FAM53A: variants seen among roughly 807,000 people sequenced by gnomAD.
The protein encoded by FAM53A is family with sequence similarity 53 member A, also known as protein FAM53A.
In FAM53A, 28 loss-of-function variants were observed where a neutral mutation model predicts 26.6. The ratio of observed to expected loss-of-function variants is 1.05; its 90% CI spans 0.78 to 1.45. FAM53A has a LOEUF of 1.45. Ranked by LOEUF, FAM53A falls within the 40% of genes most tolerant of loss-of-function variation. The pLI, the probability that FAM53A is intolerant of heterozygous loss-of-function variation, is 0.00. For synonymous variants in FAM53A, 290 were observed against 253.1 expected, an observed-to-expected ratio of 1.15 and a Z score of -1.38; for missense variants, 650 against 575.8, an observed-to-expected ratio of 1.13 and a Z score of -1.32.
chr4:1,623,348 C>T (rs1162741555), intron 1 of FAM53A, among the ~76,000 whole-genome samples: 1 of 152,234 alleles, frequency 6.6e-6, no homozygotes, highest in Non-Finnish European at 1.5e-5. Flanking sequence ...ACCCCCACCG[C>T]AGCCCCGGGA....
At chr4:1,637,475 T>C (rs1303974488), downstream of FAM53A, among the ~76,000 whole-genome samples, 1 of 151,966 alleles carries the variant, frequency 6.6e-6, no homozygotes, top group Admixed American at 6.5e-5. Flanking sequence ...AAGACATAGG[T>C]GTGGATGCTC....
chr4:1,639,484 CCT>C (rs545826516), downstream of FAM53A, among the ~76,000 whole-genome samples: 1 of 152,200 alleles, frequency 6.6e-6, no homozygotes, highest in South Asian at 2.1e-4. Flanking sequence ...CTCTTGAGCC[CCT>C]GTTCTGTCAG....
At chr4:1,586,551 G>A in the FAM53A span, among the ~76,000 whole-genome samples, 11 of 151,864 alleles carry the variant, frequency 7.2e-5, no homozygotes, top group South Asian at 6.3e-4. Flanking sequence ...CGAGGCGGGC[G>A]GATCACGAGG....
the FAM53A span, among the ~76,000 whole-genome samples, chr4:1,584,030 C>T: frequency 9.2e-5 from 14 of 152,168 alleles, no homozygotes; most frequent in Non-Finnish European, 1.5e-5. Context: ...CTTTTGGAGG[C>T]CTTGTCTTCT....
chr4:1,592,435 C>T, the FAM53A span, among the ~76,000 whole-genome samples: 22 of 152,254 alleles, frequency 1.4e-4, no homozygotes, highest in South Asian at 2.1e-4. Context: ...GGCCCAAGCC[C>T]AGGATTCCTG....
intron 1 of FAM53A, among the ~76,000 whole-genome samples, chr4:1,622,800 C>G (rs1715102185): frequency 6.6e-6 from 1 of 152,204 alleles, no homozygotes; most frequent in South Asian, 2.1e-4. Context: ...CTCCAAAGGT[C>G]TCCTGAAGCC....
the FAM53A span, among the ~76,000 whole-genome samples, chr4:1,583,286 G>T: frequency 2.0e-5 from 3 of 152,184 alleles, no homozygotes; most frequent in Non-Finnish European, 2.9e-5. Flanking sequence ...AGTTAGAGAT[G>T]GGAGAAAAGC....
intron 2 of FAM53A, among the ~76,000 whole-genome samples, chr4:1,662,429 A>AGT: frequency 6.7e-6 from 1 of 148,880 alleles, no homozygotes; most frequent in Non-Finnish European, 1.5e-5. Context: ...CAGTGAGCCA[A>AGT]GATCGCACCA....
At chr4:1,649,937 CTG>C (rs1348398030) in intron 4 of FAM53A, among the ~76,000 whole-genome samples, 2 of 116,508 alleles carry the variant, frequency 1.7e-5, no homozygotes, top group East Asian at 5.3e-4. Context: ...TGGCGTTTGA[CTG>C]TGAGGTGGCA....
intron 3 of FAM53A, among the ~76,000 whole-genome samples, chr4:1,656,888 C>T (rs1183964163): frequency 6.6e-6 from 1 of 152,132 alleles, no homozygotes; most frequent in Non-Finnish European, 1.5e-5. Flanking sequence ...GGGGGAGGAC[C>T]TGGGACCCCA....
chr4:1,668,643 C>T (rs779219559), intron 2 of FAM53A, 24 bp downstream of exon 2: 1 of 1,613,308 alleles, frequency 6.2e-7, no homozygotes. Flanking sequence ...GGCACCCAGC[C>T]TGGTGCCACC....
At chr4:1,648,513 G>A (rs78826833) in intron 4 of FAM53A, among the ~76,000 whole-genome samples, 146 of 152,282 alleles carry the variant, frequency 9.6e-4, no homozygotes, top group African/African-American at 3.3e-3. Context: ...TGGGTTTGCA[G>A]ACGTGGCCCC....
chr4:1,663,390 C>T (rs776362339), intron 2 of FAM53A, among the ~76,000 whole-genome samples: 22 of 152,178 alleles, frequency 1.4e-4, no homozygotes, highest in Non-Finnish European at 3.2e-4. Context: ...ATACATGAAA[C>T]TTCCACACAG....
chr4:1,664,319 CAAACAAGGAG>C (rs1177710514), intron 2 of FAM53A, among the ~76,000 whole-genome samples: 2 of 152,156 alleles, frequency 1.3e-5, no homozygotes, highest in Non-Finnish European at 2.9e-5. Flanking sequence ...AGGCGCAGAT[CAAACAAGGAG>C]CCCTGAGCTA....
At chr4:1,592,293 C>T in the FAM53A span, among the ~76,000 whole-genome samples, 1 of 152,230 alleles carries the variant, frequency 6.6e-6, no homozygotes, top group African/African-American at 2.4e-5. Context: ...CGCGTACCAG[C>T]CACGTCCACA....
intron 2 of FAM53A, among the ~76,000 whole-genome samples, chr4:1,666,438 G>GA (rs1294802767): frequency 1.5e-4 from 22 of 150,490 alleles, no homozygotes; most frequent in African/African-American, 4.9e-4. Context: ...AATAAAAGCT[G>GA]AAAAAAAAAG....
chr4:1,629,668 G>C (rs1224213967), intron 1 of FAM53A, among the ~76,000 whole-genome samples: 3 of 152,232 alleles, frequency 2.0e-5, no homozygotes, highest in Non-Finnish European at 4.4e-5. Context: ...GAGTACAAGG[G>C]GGACTCCCAG....
the FAM53A span, among the ~76,000 whole-genome samples, chr4:1,607,497 C>G: frequency 2.4e-4 from 37 of 152,130 alleles, no homozygotes; most frequent in African/African-American, 8.2e-4. Context: ...GGCTCCATCT[C>G]CACCCCACCC....
chr4:1,630,635 C>G lies in FAM53A; in HGVS notation c.432-12524G>C, dbSNP rs1376453878. Among the ~76,000 whole-genome samples, 1 of 152,172 alleles carries G rather than the reference C, an allele frequency of 6.6e-6. No individual in the cohort carries two copies. The highest frequency in any genetic ancestry group is 1.5e-5 in the Non-Finnish European group (1 of 68,030). ...CGCCACTCCCAAGACAGGCCAGGAG[C>G]CTGCTCTAAACACCATCGTGGAAGC... is the stretch of plus-strand genomic sequence containing the variant. On this transcript the variant is annotated intron_variant, in intron 1 of 1. Transcript: ENST00000489029. This position sits in a 1 kb window ranked among gnomAD's most constrained non-coding sequence, Gnocchi z 4.3.
Sources: gnomAD v4.1 joint callset for allele counts (sites outside exome capture counted in the v4.1 genomes callset) on GRCh38, gnomAD v4.1.1 for gene constraint, Gnocchi (gnomAD v3.1) non-coding constraint, MANE v1.5 for transcripts, NCBI Gene and HGNC (gene_info 2026-07-23, HGNC 2026-07-21) for gene names.